Variants in SPMIP2 observed in about 807,000 individuals in gnomAD.
The protein encoded by SPMIP2 is protein SPMIP2.
the SPMIP2 span, among the ~76,000 whole-genome samples, chr4:158,924,998 G>C: frequency 2.6e-5 from 4 of 152,150 alleles, no homozygotes; most frequent in African/African-American, 9.7e-5. Context: ...TTCATAGCAG[G>C]TATTAGTCTG....
chr4:158,976,500 G>C, the SPMIP2 span, among the ~76,000 whole-genome samples: 2 of 151,808 alleles, frequency 1.3e-5, no homozygotes, highest in Non-Finnish European at 2.9e-5. Context: ...CATGAAGGGG[G>C]GTTGAATTTT....
At chr4:159,050,044 C>T in the SPMIP2 span, among the ~76,000 whole-genome samples, 1 of 152,134 alleles carries the variant, frequency 6.6e-6, no homozygotes. Context: ...TAAAAGGTGC[C>T]CGTTAGTGTC....
the SPMIP2 span, among the ~76,000 whole-genome samples, chr4:158,974,450 C>T: frequency 6.6e-6 from 1 of 152,122 alleles, no homozygotes; most frequent in Non-Finnish European, 1.5e-5. Flanking sequence ...CAATGCTATC[C>T]ATCCCCTTGC....
chr4:159,025,646 A>G, the SPMIP2 span, among the ~76,000 whole-genome samples: 1 of 152,190 alleles, frequency 6.6e-6, no homozygotes, highest in African/African-American at 2.4e-5. Flanking sequence ...GAATTTTAAG[A>G]TGGTTTTGTG....
At chr4:158,932,301 A>G in the SPMIP2 span, among the ~76,000 whole-genome samples, 1 of 152,128 alleles carries the variant, frequency 6.6e-6, no homozygotes, top group Non-Finnish European at 1.5e-5. Context: ...CCCCATCTCT[A>G]TGAAAAATAC....
the SPMIP2 span, among the ~76,000 whole-genome samples, chr4:159,051,416 T>C: frequency 6.6e-6 from 1 of 152,170 alleles, no homozygotes; most frequent in African/African-American, 2.4e-5. Context: ...CACCCACCAT[T>C]TCCCATGCCT....
the SPMIP2 span, among the ~76,000 whole-genome samples, chr4:159,019,409 T>A: frequency 6.6e-6 from 1 of 151,770 alleles, no homozygotes; most frequent in African/African-American, 2.4e-5. Context: ...CTTGGTGATA[T>A]CTGTGGAATG....
chr4:158,920,377 C>T, the SPMIP2 span, among the ~76,000 whole-genome samples: 2 of 152,080 alleles, frequency 1.3e-5, no homozygotes, highest in Non-Finnish European at 2.9e-5. Flanking sequence ...CAAAAAGAGC[C>T]ATATTTTTCT....
the SPMIP2 span, chr4:158,895,946 C>A: frequency 2.0e-6 from 2 of 1,021,980 alleles, no homozygotes; most frequent in South Asian, 1.4e-5. Flanking sequence ...TAGCCTGTGT[C>A]ACCCTAAACC....
chr4:159,058,834 G>T, the SPMIP2 span, among the ~76,000 whole-genome samples: 3 of 152,054 alleles, frequency 2.0e-5, no homozygotes, highest in Admixed American at 6.6e-5. Context: ...AAGAATAACT[G>T]TAATAATAAT....
chr4:158,948,462 A>T, the SPMIP2 span, among the ~76,000 whole-genome samples: 1 of 152,078 alleles, frequency 6.6e-6, no homozygotes, highest in Non-Finnish European at 1.5e-5. Flanking sequence ...AGAGTCCAGC[A>T]TTGTGTCAAG....
At chr4:159,057,578 G>A in the SPMIP2 span, among the ~76,000 whole-genome samples, 3 of 152,096 alleles carry the variant, frequency 2.0e-5, no homozygotes, top group Non-Finnish European at 4.4e-5. Context: ...TCTCAAAAAT[G>A]TTCATTTTTG....
At chr4:159,049,535 A>C in the SPMIP2 span, among the ~76,000 whole-genome samples, 1 of 152,216 alleles carries the variant, frequency 6.6e-6, no homozygotes, top group African/African-American at 2.4e-5. Flanking sequence ...TGATCAAATC[A>C]GGGCATTTAG....
chr4:158,925,646 A>T, the SPMIP2 span, among the ~76,000 whole-genome samples: 8 of 152,190 alleles, frequency 5.3e-5, no homozygotes, highest in African/African-American at 1.9e-4. Flanking sequence ...GTCTTATGAG[A>T]ATCTAATGCT....
the SPMIP2 span, among the ~76,000 whole-genome samples, chr4:159,014,281 C>T: frequency 7.9e-5 from 12 of 152,162 alleles, no homozygotes; most frequent in African/African-American, 2.9e-4. Flanking sequence ...GGTCAAACTC[C>T]GTCTCTACTA....
the SPMIP2 span, among the ~76,000 whole-genome samples, chr4:159,006,853 G>A: frequency 6.6e-6 from 1 of 152,186 alleles, no homozygotes; most frequent in Non-Finnish European, 1.5e-5. Flanking sequence ...GGCAAGCATT[G>A]ATAATGTTCA....
the SPMIP2 span, among the ~76,000 whole-genome samples, chr4:158,915,921 C>T: frequency 6.6e-6 from 1 of 152,176 alleles, no homozygotes; most frequent in African/African-American, 2.4e-5. Context: ...GGGGAACAGA[C>T]AGAAACAGGA....
the SPMIP2 span, among the ~76,000 whole-genome samples, chr4:159,008,494 G>A: frequency 4.6e-5 from 7 of 152,076 alleles, no homozygotes; most frequent in Middle Eastern, 3.2e-3. Context: ...ACTTGAACCC[G>A]GGAGGCGGAG....
At chr4:158,993,866 T>G in the SPMIP2 span, among the ~76,000 whole-genome samples, 2 of 152,176 alleles carry the variant, frequency 1.3e-5, no homozygotes, top group Non-Finnish European at 2.9e-5. Flanking sequence ...AAACATGAAA[T>G]AACATGAAAT....
Sources: allele counts gnomAD v4.1 joint callset (sites outside exome capture counted in the v4.1 genomes callset), GRCh38; gene constraint gnomAD v4.1.1; transcripts MANE v1.5; gene names NCBI Gene and HGNC (gene_info 2026-07-23, HGNC 2026-07-21).